Variants in BOC observed in about 807,000 individuals in gnomAD.
BOC encodes brother of CDO.
BOC carries 76 observed loss-of-function variants against 112.0 expected under a neutral mutation model. The observed-to-expected ratio is 0.68, with a 90% CI of 0.56 to 0.82. BOC has a LOEUF of 0.82. Among genes scored for constraint, BOC ranks in the 40% least tolerant of loss-of-function variants. The pLI is 0.00. For missense variants in BOC, 1,309 were observed against 1,511.7 expected, an observed-to-expected ratio of 0.87 and a Z score of 2.22; for synonymous variants, 580 against 599.8, an observed-to-expected ratio of 0.97 and a Z score of 0.48.
intron 2 of BOC, among the ~76,000 whole-genome samples, chr3:113,222,707 G>C (rs1027067985): frequency 1.3e-4 from 20 of 150,476 alleles, no homozygotes; most frequent in Admixed American, 3.3e-4. Context: ...AGACGCAGGG[G>C]GGTGCCCAGC....
chr3:113,270,770 C>A, intron 5 of BOC, 31 bp from the exon 6 acceptor site: 1 of 1,583,104 alleles, frequency 6.3e-7, no homozygotes, highest in South Asian at 1.2e-5. Context: ...TGGACCCATC[C>A]CATCTTCCCC....
intron 2 of BOC, among the ~76,000 whole-genome samples, chr3:113,226,853 GTACAT>G (rs1448547929): frequency 1.3e-5 from 2 of 152,230 alleles, no homozygotes; most frequent in African/African-American, 4.8e-5. Flanking sequence ...CCTGACAGCA[GTACAT>G]TCATGCCTCT....
At chr3:113,284,731 G>C in intron 17 of BOC, 51 bp from the exon 18 acceptor site, 2 of 1,576,668 alleles carry the variant, frequency 1.3e-6, no homozygotes, top group Non-Finnish European at 1.7e-6. Flanking sequence ...AGACTGGAAA[G>C]TTACCTGGAC....
chr3:113,278,125 A>G lies in BOC; in HGVS notation c.1573A>G (p.Ile525Val). Reference protein sequence around the residue: ...QVTNSSDDWTISGIPANQHRL... With the variant: ...QVTNSSDDWTVSGIPANQHRL... ...CACAAATTCCTCTGACGATTGGACC[A>G]TCTCTGGCATTCCAGCCAACCAGCA... The change falls in exon 10 of 20, where the codon ATC (isoleucine) becomes GTC (valine). Residue 525 changes from isoleucine to valine, a missense_variant. By Grantham distance (29) the Ile-to-Val change is conservative. Transcript: ENST00000682979. The surrounding 1 kb of genome is among the most constrained non-coding windows in gnomAD (Gnocchi z 4.2). The G allele has an allele frequency of 1.9e-6, 3 of 1,614,208 alleles. No individual in the cohort carries two copies. Among genetic ancestry groups the G allele is most frequent in the Non-Finnish European group, 1.7e-6 (2 of 1,180,042 alleles).
intron 1 of BOC, among the ~76,000 whole-genome samples, chr3:113,213,711 G>C (rs1938729243): frequency 6.6e-6 from 1 of 152,238 alleles, no homozygotes; most frequent in Non-Finnish European, 1.5e-5. Context: ...TTGAGACCCA[G>C]AAGCTTCTCG....
intron 1 of BOC, among the ~76,000 whole-genome samples, chr3:113,214,673 A>T (rs975538332): frequency 6.6e-6 from 1 of 152,246 alleles, no homozygotes; most frequent in African/African-American, 2.4e-5. Context: ...TGTCTGGGAA[A>T]ATATGGGACA....
intron 9 of BOC, among the ~76,000 whole-genome samples, chr3:113,276,519 G>A (rs75469008): frequency 0.012 from 1,826 of 152,312 alleles, 41 homozygotes; most frequent in African/African-American, 0.041. Context: ...GTTCTGGCTT[G>A]AAAGCAGTTC....
Position 113,278,427 on chromosome 3 carries a change from C to T in BOC, c.1705+170C>T, listed in dbSNP as rs536202305. On this transcript the variant is annotated intron_variant, in intron 10 of 19. Coordinates refer to ENST00000682979, the MANE Select transcript of BOC (RefSeq NM_001378074.1). The surrounding 1 kb of genome is among the most constrained non-coding windows in gnomAD (Gnocchi z 4.2). ...TGTGTGCTAGGCTGAGGTCCCAGCT[C>T]TCATCAGGAGAGTAGCCAGCCGGCC... Among the ~76,000 whole-genome samples the T allele has an allele frequency of 7.9e-5, 12 of 152,258 alleles. 1 individual carries two copies. The highest frequency in any genetic ancestry group is 5.2e-4 in the Admixed American group (8 of 15,300).
Position 113,274,293 on chromosome 3 carries a change from T to C in BOC, c.1235-82T>C. The C allele has an allele frequency of 2.2e-6, 3 of 1,374,094 alleles. No individual in the cohort carries two copies. Among genetic ancestry groups the C allele is most frequent in the Non-Finnish European group, 2.9e-6 (3 of 1,035,098 alleles). The allele number at this position is 1,374,094 out of a possible 1,614,324, so 85.1% of individuals were successfully genotyped here. ...GGCCCAGGTTGCCTCTCTGTCTTCT[T>C]TCTGTTTTCTCCCCAGGAACAACAG... On this transcript the variant is annotated intron_variant, in intron 8 of 19. Transcript: ENST00000682979. The surrounding 1 kb of genome is among the most constrained non-coding windows in gnomAD (Gnocchi z 4.8).
chr3:113,215,321 G>A (rs995225406), intron 1 of BOC, among the ~76,000 whole-genome samples: 1 of 152,092 alleles, frequency 6.6e-6, no homozygotes, highest in African/African-American at 2.4e-5. Flanking sequence ...AAGAGGAGGT[G>A]GAATGCAGGA....
intron 4 of BOC, chr3:113,261,787 A>C: frequency 6.7e-6 from 1 of 150,068 alleles, no homozygotes; most frequent in African/African-American, 2.5e-5. Context: ...CCTCCTGCCC[A>C]CCCCCAGATT....
rs769449792 is a variant in BOC, at chr3:113,283,472, G to A, written c.2496G>A (p.Pro832=). 3.7e-6 allele frequency: 6 copies of A among 1,613,840 alleles called. No individual in the cohort carries two copies. Among genetic ancestry groups the A allele is most frequent in the Admixed American group, 1.7e-5 (1 of 60,000 alleles). ...CCCCAACTCTGGCCCCACCACAGCC[G>A]CCCCTTCCTGAAACCATAGAGCGGC... ...LPPPTLAPPQ[P]PLPETIERPV... The change falls in exon 16 of 20, where the codon CCG becomes CCA. Residue 832 remains proline, a synonymous_variant. Coordinates refer to ENST00000682979, the MANE Select transcript of BOC (RefSeq NM_001378074.1).
At chr3:113,236,963 A>C (rs1442945312) in intron 2 of BOC, among the ~76,000 whole-genome samples, 1 of 152,224 alleles carries the variant, frequency 6.6e-6, no homozygotes, top group African/African-American at 2.4e-5. Flanking sequence ...GTATAAACTG[A>C]GGCTCAAAGA....
intron 16 of BOC, among the ~76,000 whole-genome samples, chr3:113,283,926 T>C (rs1949429990): frequency 6.6e-6 from 1 of 151,940 alleles, no homozygotes; most frequent in South Asian, 2.1e-4. Flanking sequence ...CATTCCTACT[T>C]ACAGTCCATC....
rs189847375 is a variant in BOC at position 113,272,550 on chromosome 3, A to C, written c.808A>C (p.Ser270Arg). 586 of 1,614,102 alleles carry C rather than the reference A, an allele frequency of 3.6e-4. 6 individuals are homozygous for C. In the East Asian group the frequency reaches 0.012, roughly 33 times the overall value. Residue 270 changes from serine (S) to arginine (R), a missense_variant, in exon 7 of 20, where the codon AGT becomes CGT. Physicochemically the swap from Ser to Arg is moderately radical, Grantham distance 110. Transcript: ENST00000682979. ...PRVTWAKDGSSVTGYNKTRFL... is the reference protein window; with the variant it reads ...PRVTWAKDGSRVTGYNKTRFL... ...GGTCACCTGGGCCAAGGATGGGTCC[A>C]GTGTCACCGGCTACAACAAGACGCG...
chr3:113,284,321 TTC>T lies in BOC; in HGVS notation c.2657-12_2657-11del. 6.2e-7 allele frequency: 1 copy of T among 1,609,422 alleles called. No individual in the cohort carries two copies. The highest frequency in any genetic ancestry group is 8.5e-7 in the Non-Finnish European group (1 of 1,175,812). ...CCTTGGCCTAAGCACACCTTTATTTTTCTGTCCTTCCAGAACATACAACAGAC... is the reference window on the plus strand; with the variant it reads ...CCTTGGCCTAAGCACACCTTTATTTTTGTCCTTCCAGAACATACAACAGAC... On this transcript the variant is annotated splice_polypyrimidine_tract_variant and intron_variant, in intron 16 of 19. Transcript: ENST00000682979.
intron 9 of BOC, among the ~76,000 whole-genome samples, chr3:113,276,224 GT>G (rs1444691640): frequency 2.6e-5 from 4 of 152,234 alleles, no homozygotes; most frequent in African/African-American, 9.6e-5. Context: ...ATAGGTGGCC[GT>G]GAAGCAGCCT....
At chr3:113,283,280 T>C in intron 15 of BOC, 131 bp from the exon 16 acceptor site, 1 of 897,328 alleles carries the variant, frequency 1.1e-6, no homozygotes, top group Non-Finnish European at 1.7e-6. Context: ...AAATAAGAGA[T>C]TTTGAGGCCC....
At chr3:113,281,455 C>T (rs573272236) in intron 15 of BOC, among the ~76,000 whole-genome samples, 1 of 152,282 alleles carries the variant, frequency 6.6e-6, no homozygotes, top group South Asian at 2.1e-4. Context: ...ATATTTGGTG[C>T]TTACATGGGT....
Sources: gnomAD v4.1 joint callset for allele counts (sites outside exome capture counted in the v4.1 genomes callset) on GRCh38, gnomAD v4.1.1 for gene constraint, Gnocchi (gnomAD v3.1) non-coding constraint, MANE v1.5 for transcripts, NCBI Gene and HGNC (gene_info 2026-07-23, HGNC 2026-07-21) for gene names.